The following MOGAT2 variants were observed in gnomAD, a reference collection of about 807,000 sequenced individuals.
MOGAT2 encodes the protein 2-acylglycerol O-acyltransferase 2.
A neutral mutation model predicts 31.5 loss-of-function variants in MOGAT2; 27 were observed. The ratio of observed to expected loss-of-function variants is 0.86; its 90% CI spans 0.63 to 1.18. MOGAT2 has a LOEUF of 1.18. Ranked by LOEUF, MOGAT2 falls within the 50% of genes most tolerant of loss-of-function variation. MOGAT2 has a pLI of 0.00. For missense variants in MOGAT2, 436 were observed against 433.2 expected (o/e 1.01, Z -0.06); for synonymous variants, 163 against 170.0 (o/e 0.96, Z 0.32).
chr11:75,721,004 G>C (rs1447738334), intron 2 of MOGAT2, among the ~76,000 whole-genome samples: 1 of 152,084 alleles, frequency 6.6e-6, no homozygotes, highest in East Asian at 1.9e-4. Context: ...TGGCCAGAAG[G>C]GATAGGATGG....
Position 75,731,179 on chromosome 11 carries a change from G to A in MOGAT2, c.898G>A (p.Glu300Lys). The change falls in exon 6 of 6, where the codon GAG becomes AAG. Residue 300 changes from glutamate to lysine, a missense_variant. Glu to Lys is a moderately conservative substitution (Grantham distance 56, BLOSUM62 1). Coordinates refer to ENST00000198801, the MANE Select transcript of MOGAT2 (RefSeq NM_025098.4). Reference sequence around the variant, plus strand: ...GAAGACGCTGCATCCCTCGGAGGAGGAGGTGAACCAGCTGCACCAGCGTTA... The same window carrying A: ...GAAGACGCTGCATCCCTCGGAGGAGAAGGTGAACCAGCTGCACCAGCGTTA... ...VQKTLHPSEE[E>K]VNQLHQRYIK... The A allele has an allele frequency of 9.9e-6, 16 of 1,614,090 alleles. No homozygotes were observed. Among genetic ancestry groups the A allele is most frequent in the Non-Finnish European group, 1.4e-5 (16 of 1,180,028 alleles).
In MOGAT2 at chr11:75,731,735, C is replaced by G. The variant is rs1328875207; in HGVS notation, c.*449C>G. ...CTCTGGATGGGAGGAGCAGCAATGT[C>G]ATATTACAAAAGGGTGTGGACACAT... On this transcript the variant is annotated 3_prime_UTR_variant, in exon 6 of 6. Transcript: ENST00000198801. The G allele has an allele frequency of 6.5e-6, 1 of 154,940 alleles. No individual in the cohort carries two copies. Among genetic ancestry groups the G allele is most frequent in the Non-Finnish European group, 1.4e-5 (1 of 70,070 alleles). The allele number at this position is 154,940 out of a possible 1,614,324, so 9.6% of individuals were successfully genotyped here. A position where few individuals can be genotyped will look rare whatever the true frequency, so the allele number is the denominator to read the frequency against.
intron 1 of MOGAT2, chr11:75,719,757 T>G: frequency 2.0e-6 from 1 of 503,396 alleles, no homozygotes; most frequent in Non-Finnish European, 3.6e-6. Context: ...AGCTTTGGAG[T>G]TAGGCCTACC....
At chr11:75,718,614 A>G (rs1385027333) in intron 1 of MOGAT2, among the ~76,000 whole-genome samples, 1 of 152,112 alleles carries the variant, frequency 6.6e-6, no homozygotes, top group East Asian at 1.9e-4. Flanking sequence ...AAATGAAGAA[A>G]TGTGCTGACC....
intron 5 of MOGAT2, among the ~76,000 whole-genome samples, chr11:75,729,423 C>T (rs1246362385): frequency 1.3e-5 from 2 of 151,970 alleles, no homozygotes; most frequent in African/African-American, 2.4e-5. Context: ...TACAGTCGCT[C>T]GCCACAACAC....
chr11:75,728,423 G>A (rs527660829), intron 4 of MOGAT2: 33 of 585,000 alleles, frequency 5.6e-5, no homozygotes, highest in Middle Eastern at 3.3e-4. Flanking sequence ...GATATTTGGG[G>A]TACATTTCAG....
rs562033079 is a variant in MOGAT2 at position 75,728,907 on chromosome 11, C to T, written c.768C>T (p.Ile256=). The T allele has an allele frequency of 6.2e-7, 1 of 1,614,216 alleles. No individual in the cohort carries two copies. The highest frequency in any genetic ancestry group is 1.1e-5 in the South Asian group (1 of 91,084). The change falls in exon 5 of 6, where the codon ATC becomes ATT. Residue 256 remains isoleucine, a synonymous_variant. Coordinates refer to ENST00000198801, the MANE Select transcript of MOGAT2 (RefSeq NM_025098.4). The stretch of plus-strand genomic sequence containing the variant: ...ATCGGTTGCAGAAGATCATGGGCAT[C>T]TCCCTCCCACTCTTTCATGGCCGTG... ...IQNRLQKIMG[I]SLPLFHGRGV...
intron 2 of MOGAT2, among the ~76,000 whole-genome samples, chr11:75,724,601 G>A (rs1455505249): frequency 6.6e-6 from 1 of 152,028 alleles, no homozygotes; most frequent in Non-Finnish European, 1.5e-5. Flanking sequence ...GGCAGAGGTT[G>A]CAGTGAGCTG....
In MOGAT2 at chr11:75,727,457, A is replaced by G; in HGVS notation, c.293A>G (p.Asp98Gly). Residue 98 changes from aspartate to glycine, a missense_variant, in exon 3 of 6, where the codon GAC becomes GGC. Physicochemically the swap from Asp to Gly is moderately conservative, Grantham distance 94. Transcript: ENST00000198801. Reference protein sequence around the residue: ...PISLVKTAELDPSRNYIAGFH... With the variant: ...PISLVKTAELGPSRNYIAGFH... ...CAGCTGGTCAAGACTGCTGAGCTGGACCCCTCTCGGAACTACATTGCGGGC... is the reference window on the plus strand; with the variant it reads ...CAGCTGGTCAAGACTGCTGAGCTGGGCCCCTCTCGGAACTACATTGCGGGC... 1.2e-6 allele frequency: 2 copies of G among 1,613,834 alleles called. No individual in the cohort carries two copies. Among genetic ancestry groups the G allele is most frequent in the Non-Finnish European group, 1.7e-6 (2 of 1,179,954 alleles).
rs1355721568 is a variant in MOGAT2, at chr11:75,728,154, C to T, written c.650+10C>T. On this transcript the variant is annotated intron_variant, in intron 4 of 5. Coordinates refer to ENST00000198801, the MANE Select transcript of MOGAT2 (RefSeq NM_025098.4). ...TCGCCCTGACACACGGGTATCAAGCCTCTGGGAAGAGCACTCTGGGTTCAG... is the reference window on the plus strand; with the variant it reads ...TCGCCCTGACACACGGGTATCAAGCTTCTGGGAAGAGCACTCTGGGTTCAG... 6.2e-7 allele frequency: 1 copy of T among 1,611,558 alleles called. No homozygotes were observed.
chr11:75,730,315 T>C (rs1312078765), intron 5 of MOGAT2, among the ~76,000 whole-genome samples: 1 of 152,082 alleles, frequency 6.6e-6, no homozygotes, highest in African/African-American at 2.4e-5. Flanking sequence ...CAGGTCAGCG[T>C]GGAGGGGTAG....
intron 2 of MOGAT2, among the ~76,000 whole-genome samples, chr11:75,721,773 G>C (rs1248882889): frequency 6.6e-6 from 1 of 152,148 alleles, no homozygotes; most frequent in Non-Finnish European, 1.5e-5. Context: ...TGTCCCATCA[G>C]AAACAAGGTC....
At chr11:75,722,702 G>T (rs1025465747) in intron 2 of MOGAT2, among the ~76,000 whole-genome samples, 1 of 152,196 alleles carries the variant, frequency 6.6e-6, no homozygotes, top group African/African-American at 2.4e-5. Context: ...AAGTTCTCCC[G>T]GGGTGTCTTC....
At chr11:75,724,674 T>C (rs1944405436) in intron 2 of MOGAT2, among the ~76,000 whole-genome samples, 1 of 151,648 alleles carries the variant, frequency 6.6e-6, no homozygotes, top group Admixed American at 6.6e-5. Flanking sequence ...AAAAAAAAAT[T>C]CAAAAACAGA....
chr11:75,719,079 G>A (rs1590836633), intron 1 of MOGAT2, among the ~76,000 whole-genome samples: 4 of 152,092 alleles, frequency 2.6e-5, no homozygotes, highest in African/African-American at 9.7e-5. Context: ...CCAGGACCCT[G>A]CCCTAGCATC....
At chr11:75,718,028 G>T (rs1241498869) in intron 1 of MOGAT2, 49 bp downstream of exon 1, 3 of 1,561,534 alleles carry the variant, frequency 1.9e-6, no homozygotes, top group Non-Finnish European at 2.6e-6. Flanking sequence ...CTCAGGTGGG[G>T]CAGAGCAGCC....
At position 75,727,999 on chromosome 11, in the gene MOGAT2, G is replaced by A; in HGVS notation, c.505G>A (p.Ala169Thr). Residue 169 changes from alanine (A) to threonine (T), a missense_variant, in exon 4 of 6, where the codon GCT (alanine) becomes ACT (threonine). Physicochemically the swap from Ala to Thr is moderately conservative, Grantham distance 58. Coordinates refer to ENST00000198801, the MANE Select transcript of MOGAT2 (RefSeq NM_025098.4). ...GLVTSEKESA[A>T]HILNRKGGGN... ...GGTCACATCAGAAAAGGAGAGTGCTGCTCACATTCTGAACAGGAAGGGTGG... is the reference window on the plus strand; with the variant it reads ...GGTCACATCAGAAAAGGAGAGTGCTACTCACATTCTGAACAGGAAGGGTGG... 1 of 1,613,542 alleles carries A rather than the reference G, an allele frequency of 6.2e-7. No individual in the cohort carries two copies. The highest frequency in any genetic ancestry group is 8.5e-7 in the Non-Finnish European group (1 of 1,179,622).
Position 75,717,900 on chromosome 11 carries a change from C to T in MOGAT2, c.12C>T (p.Phe4=), listed in dbSNP as rs1442245790. 4.3e-6 allele frequency: 7 copies of T among 1,614,008 alleles called. No individual in the cohort carries two copies. The highest frequency in any genetic ancestry group is 4.5e-5 in the East Asian group (2 of 44,890). Residue 4 remains phenylalanine, a synonymous_variant, in exon 1 of 6, where the codon TTC becomes TTT. Coordinates refer to ENST00000198801, the MANE Select transcript of MOGAT2 (RefSeq NM_025098.4). MVE[F]APLFMPWERR... ...GCTGACCCGCCAGCATGGTAGAGTT[C>T]GCGCCCTTGTTTATGCCGTGGGAGC...
chr11:75,719,768 T>TA (rs761426517), intron 1 of MOGAT2: 18 of 536,210 alleles, frequency 3.4e-5, no homozygotes, highest in Admixed American at 9.3e-5. Flanking sequence ...TAGGCCTACC[T>TA]AGGCTCAACG....
Sources: allele counts gnomAD v4.1 joint callset (sites outside exome capture counted in the v4.1 genomes callset), GRCh38; gene constraint gnomAD v4.1.1; transcripts MANE v1.5; gene names NCBI Gene and HGNC (gene_info 2026-07-23, HGNC 2026-07-21).